TMEM71: variants seen among roughly 807,000 people sequenced by gnomAD.
TMEM71 encodes the protein transmembrane protein 71.
Under a neutral mutation model 38.0 loss-of-function variants are expected in TMEM71, and 44 were observed. That is an observed-to-expected ratio of 1.16 (90% confidence interval 0.91 to 1.49). TMEM71 has a LOEUF of 1.49. TMEM71 is among the 40% of genes most tolerant of loss of function. TMEM71 has a pLI of 0.00. For synonymous variants in TMEM71, 133 were observed against 122.5 expected, an observed-to-expected ratio of 1.09 and a Z score of -0.56; for missense variants, 367 against 348.6, an observed-to-expected ratio of 1.05 and a Z score of -0.42.
chr8:132,752,767 A>C (rs913249171), intron 3 of TMEM71, among the ~76,000 whole-genome samples: 1 of 149,252 alleles, frequency 6.7e-6, no homozygotes, highest in Non-Finnish European at 1.5e-5. Context: ...GAAGAGAGAG[A>C]GAGAAAAAAA....
intron 5 of TMEM71, among the ~76,000 whole-genome samples, chr8:132,736,910 A>C (rs1243119717): frequency 6.6e-6 from 1 of 152,184 alleles, no homozygotes; most frequent in African/African-American, 2.4e-5. Context: ...ATACGAGGTG[A>C]TGGATATGTT....
At chr8:132,723,089 G>A (rs939139887) in intron 6 of TMEM71, among the ~76,000 whole-genome samples, 1 of 152,202 alleles carries the variant, frequency 6.6e-6, no homozygotes, top group Non-Finnish European at 1.5e-5. Flanking sequence ...TGAGGATTGA[G>A]TCAGCTAACA....
chr8:132,735,426 G>T (rs1283659131), intron 5 of TMEM71, among the ~76,000 whole-genome samples: 1 of 152,146 alleles, frequency 6.6e-6, no homozygotes, highest in Non-Finnish European at 1.5e-5. Flanking sequence ...GGCATTTCCA[G>T]AGAAAAATAA....
At chr8:132,734,228 G>A (rs2553617) in intron 5 of TMEM71, among the ~76,000 whole-genome samples, 102,594 of 151,922 alleles carry the variant, frequency 0.68, 35,326 homozygotes, top group South Asian at 0.78. Flanking sequence ...GACATGTTGG[G>A]TATGTCTATT....
chr8:132,746,295 T>G (rs1828340079), intron 5 of TMEM71, among the ~76,000 whole-genome samples: 3 of 149,442 alleles, frequency 2.0e-5, no homozygotes, highest in African/African-American at 7.4e-5. Context: ...TATGTATATA[T>G]TATATGTATT....
intron 2 of TMEM71, 189 bp downstream of exon 2, chr8:132,758,651 T>C (rs1205397191): frequency 3.8e-6 from 2 of 528,786 alleles, no homozygotes; most frequent in Non-Finnish European, 3.4e-6. Flanking sequence ...GAAGGAAAAA[T>C]ACCACATTTC....
At chr8:132,750,012 C>CAAAAAA (rs10623448) in intron 4 of TMEM71, among the ~76,000 whole-genome samples, 3 of 124,198 alleles carry the variant, frequency 2.4e-5, no homozygotes, top group East Asian at 2.3e-4. Flanking sequence ...GACTCCATCT[C>CAAAAAA]AAAAAAAAAA....
At chr8:132,750,833 C>T (rs186048749) in intron 4 of TMEM71, among the ~76,000 whole-genome samples, 7 of 152,264 alleles carry the variant, frequency 4.6e-5, no homozygotes, top group East Asian at 1.9e-4. Context: ...TGACAGAACC[C>T]GAGTCCTAAG....
downstream of TMEM71, among the ~76,000 whole-genome samples, chr8:132,707,043 C>A (rs970114691): frequency 6.6e-6 from 1 of 152,150 alleles, no homozygotes; most frequent in South Asian, 2.1e-4. Flanking sequence ...CACAGACATG[C>A]GATCAGCAAA....
chr8:132,716,151 C>T (rs1357645840), intron 7 of TMEM71, among the ~76,000 whole-genome samples: 2 of 152,216 alleles, frequency 1.3e-5, no homozygotes, highest in African/African-American at 2.4e-5. Flanking sequence ...CTCTTGGGGG[C>T]CTTGGAAGCC....
At chr8:132,769,353 C>G in the TMEM71 span, among the ~76,000 whole-genome samples, 1 of 152,156 alleles carries the variant, frequency 6.6e-6, no homozygotes, top group Non-Finnish European at 1.5e-5. Flanking sequence ...TTAGTTGTTT[C>G]TGTATCCATA....
At chr8:132,740,088 C>A (rs1355134981) in intron 5 of TMEM71, among the ~76,000 whole-genome samples, 1 of 152,200 alleles carries the variant, frequency 6.6e-6, no homozygotes, top group African/African-American at 2.4e-5. Context: ...CAGTGGTTTG[C>A]CCTCCACTCA....
chr8:132,706,523 G>A (rs182520213), downstream of TMEM71, among the ~76,000 whole-genome samples: 30 of 152,198 alleles, frequency 2.0e-4, no homozygotes, highest in Admixed American at 1.6e-3. Context: ...GCATCTTGAT[G>A]AGGTACAAAG....
the TMEM71 span, among the ~76,000 whole-genome samples, chr8:132,772,181 C>T: frequency 6.6e-6 from 1 of 152,020 alleles, no homozygotes; most frequent in Non-Finnish European, 1.5e-5. Context: ...TTTTTCCTAC[C>T]TTAAAATAGG....
At position 132,710,584 on chromosome 8, in the gene TMEM71, T is replaced by C. The variant is rs895271132; in HGVS notation, c.*383A>G. On this transcript the variant is annotated 3_prime_UTR_variant, in exon 10 of 10. Coordinates refer to ENST00000677595, the MANE Select transcript of TMEM71 (RefSeq NM_001382403.1). ...AGCAATTCAGCAAGAGATAGGTGCATGTGGCAGACCCAGAAATCTGGTTAC... is the reference window on the plus strand; with the variant it reads ...AGCAATTCAGCAAGAGATAGGTGCACGTGGCAGACCCAGAAATCTGGTTAC... The C allele has an allele frequency of 7.4e-5, 33 of 444,774 alleles. No homozygotes were observed. Among genetic ancestry groups the C allele is most frequent in the Non-Finnish European group, 6.7e-5 (17 of 255,146 alleles). 27.6% of individuals were successfully genotyped at this position (444,774 alleles called of 1,614,324 possible).
chr8:132,727,047 G>A (rs1032084768), intron 6 of TMEM71, among the ~76,000 whole-genome samples: 13 of 151,480 alleles, frequency 8.6e-5, no homozygotes, highest in African/African-American at 2.2e-4. Flanking sequence ...AGTAGAGATG[G>A]ACTTTTGCCA....
At chr8:132,758,947 T>C in intron 1 of TMEM71, 32 bp from the exon 2 acceptor site, 3 of 1,413,734 alleles carry the variant, frequency 2.1e-6, no homozygotes, top group Non-Finnish European at 2.0e-6. Flanking sequence ...AGGTGGACTA[T>C]ATATTAAAAA....
At position 132,751,865 on chromosome 8, in the gene TMEM71, G is replaced by T. The variant is rs142213222; in HGVS notation, c.234C>A (p.Asp78Glu). The T allele has an allele frequency of 2.1e-5, 34 of 1,613,930 alleles. No individual in the cohort carries two copies. The African/African-American group carries it at 4.3e-4, about 20-fold the overall frequency. Reference sequence around the variant, plus strand: ...TGCCATCTTTGTCGCACAGGAAGCTGTCTTCAGTCCAAATATAGTAGCCAT... The same window carrying T: ...TGCCATCTTTGTCGCACAGGAAGCTTTCTTCAGTCCAAATATAGTAGCCAT... The part of the protein sequence containing the change: ...LTNGYYIWTE[D>E]SFLCDKDGNI... Residue 78 changes from aspartate (D) to glutamate (E), a missense_variant, in exon 4 of 10, where the codon GAC becomes GAA. Asp to Glu is a conservative substitution (Grantham distance 45, BLOSUM62 2). Coordinates refer to ENST00000677595, the MANE Select transcript of TMEM71 (RefSeq NM_001382403.1).
At chr8:132,759,864 A>G (rs1047569602) in intron 1 of TMEM71, among the ~76,000 whole-genome samples, 3 of 152,224 alleles carry the variant, frequency 2.0e-5, no homozygotes, top group Non-Finnish European at 4.4e-5. Flanking sequence ...AGAGACCTGT[A>G]AAGATGTCAG....
Sources: allele counts gnomAD v4.1 joint callset (sites outside exome capture counted in the v4.1 genomes callset), GRCh38; gene constraint gnomAD v4.1.1; transcripts MANE v1.5; gene names NCBI Gene and HGNC (gene_info 2026-07-23, HGNC 2026-07-21).